The following SARS2 variants were observed in gnomAD, a reference collection of about 807,000 sequenced individuals.
The protein encoded by SARS2 is seryl-tRNA synthetase 2, mitochondrial.
A neutral mutation model predicts 66.8 loss-of-function variants in SARS2; 52 were observed. The ratio of observed to expected loss-of-function variants is 0.78; its 90% CI spans 0.62 to 0.98. SARS2 has a LOEUF of 0.98. Ranked by LOEUF, SARS2 falls within the 50% of genes least tolerant of loss-of-function variation. The pLI is 0.00. For missense variants in SARS2, 673 were observed against 706.3 expected, an observed-to-expected ratio of 0.95 and a Z score of 0.53; for synonymous variants, 306 against 281.4, an observed-to-expected ratio of 1.09 and a Z score of -0.87.
chr19:38,918,830 A>AT lies in SARS2; in HGVS notation c.760-18dup. 1 of 1,556,616 alleles carries AT rather than the reference A, an allele frequency of 6.4e-7. No individual in the cohort carries two copies. The highest frequency in any genetic ancestry group is 8.7e-7 in the Non-Finnish European group (1 of 1,149,228). ...GGTGAAGCCCTGTTCAGGGGAGAGG[A>AT]TGAGTGAGCAGAGCTGGGACCCCTA... On this transcript the variant is annotated splice_polypyrimidine_tract_variant and intron_variant, in intron 7 of 15. Transcript: ENST00000221431.
chr19:38,919,765 G>C lies in SARS2; in HGVS notation c.756C>G (p.Arg252=). 1 of 1,613,868 alleles carries C rather than the reference G, an allele frequency of 6.2e-7. No homozygotes were observed. Among genetic ancestry groups the C allele is most frequent in the Non-Finnish European group, 8.5e-7 (1 of 1,179,748 alleles). The change falls in exon 7 of 16, where the codon CGC becomes CGG. Residue 252 remains arginine, a synonymous_variant. Coordinates refer to ENST00000221431, the MANE Select transcript of SARS2 (RefSeq NM_017827.4). ...GCCCTCCTATCTTGGCCCATACCCG[G>C]CGGAGAAGCTTGTTGAATGTGAAGT... The part of the protein sequence containing the change: ...LVNFTFNKLL[R]RGFTPMTVPD...
chr19:38,920,956 CAGACACAGAT>C (rs1568425555), intron 5 of SARS2, among the ~76,000 whole-genome samples: 1 of 149,736 alleles, frequency 6.7e-6, no homozygotes, highest in Non-Finnish European at 1.5e-5. Context: ...CACACAGACA[CAGACACAGAT>C]ACAGACACAC....
At chr19:38,926,068 G>C (rs1184705999) in intron 2 of SARS2, 137 bp downstream of exon 2, 1 of 748,044 alleles carries the variant, frequency 1.3e-6, no homozygotes, top group Non-Finnish European at 2.3e-6. Context: ...CACCAACCTA[G>C]GCCTCCCGAG....
In SARS2 at chr19:38,918,755, G is replaced by A. The variant is rs774283547; in HGVS notation, c.807+11C>T. 13 of 1,557,838 alleles carry A rather than the reference G, an allele frequency of 8.3e-6. No individual in the cohort carries two copies. In the African/African-American group the frequency reaches 1.1e-4, roughly 13 times the overall value. ...CCAGGTGGGCGAGGGAAGCGGAGAG[G>A]CCTCACTCACAAACACTGCTCCGCG... On this transcript the variant is annotated intron_variant, in intron 8 of 15. Transcript: ENST00000221431.
intron 7 of SARS2, 92 bp downstream of exon 7, chr19:38,919,670 G>T: frequency 2.1e-6 from 2 of 938,092 alleles, no homozygotes; most frequent in Non-Finnish European, 3.5e-6. Context: ...AGTGACTAGG[G>T]CAGAGCAGAG....
At chr19:38,917,422 T>A (rs1255650159) in intron 12 of SARS2, among the ~76,000 whole-genome samples, 1 of 152,134 alleles carries the variant, frequency 6.6e-6, no homozygotes, top group Non-Finnish European at 1.5e-5. Flanking sequence ...TGAAAAAGTA[T>A]CTTGGGTTGC....
At chr19:38,920,245 G>T in intron 5 of SARS2, 96 bp from the exon 6 acceptor site, 2 of 982,706 alleles carry the variant, frequency 2.0e-6, no homozygotes, top group South Asian at 1.4e-5. Context: ...GAGGGACGGT[G>T]AGAGAAAATA....
chr19:38,919,859 G>A lies in SARS2; in HGVS notation c.662C>T (p.Ser221Phe), dbSNP rs927044071. The A allele has an allele frequency of 1.2e-6, 2 of 1,613,976 alleles. No individual in the cohort carries two copies. Among genetic ancestry groups the A allele is most frequent in the African/African-American group, 1.3e-5 (1 of 75,028 alleles). ...ATAGGACCGGTGGCCAGACACGTGG[G>A]ACAGGCGCCTGGGAGACAGACAGAC... The part of the protein sequence containing the change: ...KLDIIRQKRL[S>F]HVSGHRSYYL... The change falls in exon 7 of 16, where the codon TCC becomes TTC. Residue 221 changes from serine (S) to phenylalanine (F), a missense_variant. Physicochemically the swap from Ser to Phe is radical, Grantham distance 155. Transcript: ENST00000221431.
chr19:38,918,548 G>A lies in SARS2; in HGVS notation c.808-18C>T. ...CAGCCTTCCTGGGGGAGGAGGCCAG[G>A]CCACAGGGATCAGGGGACAGGTAAC... On this transcript the variant is annotated intron_variant, in intron 8 of 15. Transcript: ENST00000221431. 3 of 1,585,916 alleles carry A rather than the reference G, an allele frequency of 1.9e-6. No individual in the cohort carries two copies. The highest frequency in any genetic ancestry group is 2.6e-6 in the Non-Finnish European group (3 of 1,154,410).
rs1019743628 is a variant in SARS2 at position 38,930,520 on chromosome 19, C to G, written c.217G>C (p.Ala73Pro). 4.4e-5 allele frequency: 71 copies of G among 1,612,674 alleles called. No individual in the cohort carries two copies. The highest frequency in any genetic ancestry group is 5.5e-5 in the Non-Finnish European group (65 of 1,179,714). ...AGCTCCCCCTTGCGGAGCTCCAGGG[C>G]GTGTGCGGCCTCTTCTGGGCATGCG... ...FCACPEEAAH[A>P]LELRKGELRS... Residue 73 changes from alanine to proline, a missense_variant, in exon 1 of 16, where the codon GCC becomes CCC. By Grantham distance (27) the Ala-to-Pro change is conservative. Coordinates refer to ENST00000221431, the MANE Select transcript of SARS2 (RefSeq NM_017827.4).
At chr19:38,924,635 C>A (rs1271528221) in intron 2 of SARS2, among the ~76,000 whole-genome samples, 1 of 151,984 alleles carries the variant, frequency 6.6e-6, no homozygotes, top group African/African-American at 2.4e-5. Flanking sequence ...GTGAGACTTA[C>A]GTACTTTTTC....
intron 2 of SARS2, among the ~76,000 whole-genome samples, chr19:38,924,999 T>C (rs1974603920): frequency 6.6e-6 from 1 of 152,176 alleles, no homozygotes; most frequent in Non-Finnish European, 1.5e-5. Context: ...TGGCAGACAC[T>C]GTTGGTTGTA....
chr19:38,917,249 C>G (rs1317949386), intron 12 of SARS2, among the ~76,000 whole-genome samples: 1 of 152,240 alleles, frequency 6.6e-6, no homozygotes, highest in Non-Finnish European at 1.5e-5. Context: ...CGTGAGCCAC[C>G]ACACCCGGCT....
intron 5 of SARS2, among the ~76,000 whole-genome samples, chr19:38,921,161 AAC>A (rs1426092029): frequency 6.6e-6 from 1 of 152,186 alleles, no homozygotes; most frequent in Non-Finnish European, 1.5e-5. Flanking sequence ...ACAATCACAC[AAC>A]ACAGGGTGAG....
intron 1 of SARS2, 190 bp downstream of exon 1, chr19:38,930,280 C>A (rs1043018704): frequency 8.6e-6 from 6 of 699,768 alleles, no homozygotes; most frequent in Non-Finnish European, 1.4e-5. Flanking sequence ...GCATTCTTGG[C>A]ACATAGTAGG....
rs59672570 is a variant in SARS2, at chr19:38,922,433, C to T, written c.364-166G>A. ...TGTGTTTCTGTTTCTCTATTGCTAA[C>T]GCTACAAGGAGGCAAGATAATTAAC... is the stretch of plus-strand genomic sequence containing the variant. On this transcript the variant is annotated intron_variant, in intron 2 of 15. Transcript: ENST00000221431. Among the ~76,000 whole-genome samples the T allele has an allele frequency of 0.015, 2,214 of 152,278 alleles. 41 individuals are homozygous for T. The highest frequency in any genetic ancestry group is 0.045 in the African/African-American group (1,864 of 41,548).
Position 38,915,744 on chromosome 19 carries a change from G to C in SARS2, c.1419C>G (p.Gly473=). ...GGAGGGCAGGGGGCACGAGCACTGA[G>C]CCGTCCTGGGGACAGAGCAGACCTC... ...ALLESNQQKD[G]SVLVPPALQS... Residue 473 remains glycine (G), a synonymous_variant, in exon 16 of 16, where the codon GGC becomes GGG. Coordinates refer to ENST00000221431, the MANE Select transcript of SARS2 (RefSeq NM_017827.4). 1 of 1,613,264 alleles carries C rather than the reference G, an allele frequency of 6.2e-7. No homozygotes were observed. Among genetic ancestry groups the C allele is most frequent in the South Asian group, 1.1e-5 (1 of 91,064 alleles).
chr19:38,921,977 G>T (rs1051179266), intron 3 of SARS2: 1 of 1,551,572 alleles, frequency 6.4e-7, no homozygotes, highest in Non-Finnish European at 8.7e-7. Flanking sequence ...TCAGGAAAGC[G>T]TGCTTGACTT....
At chr19:38,918,977 G>A (rs1467299487) in intron 7 of SARS2, among the ~76,000 whole-genome samples, 164 bp from the exon 8 acceptor site, 5 of 152,214 alleles carry the variant, frequency 3.3e-5, no homozygotes, top group Non-Finnish European at 1.5e-5. Flanking sequence ...GGGAGGCTGA[G>A]GTGGGCGGAT....
Sources: gnomAD v4.1 joint callset for allele counts (sites outside exome capture counted in the v4.1 genomes callset) on GRCh38, gnomAD v4.1.1 for gene constraint, MANE v1.5 for transcripts, NCBI Gene and HGNC (gene_info 2026-07-23, HGNC 2026-07-21) for gene names.